TAFA5: variants seen among roughly 807,000 people sequenced by gnomAD.
The protein encoded by TAFA5 is chemokine-like protein TAFA-5.
In TAFA5, 6 loss-of-function variants were observed where a neutral mutation model predicts 15.3. The observed-to-expected ratio is 0.39, with a 90% confidence interval of 0.21 to 0.77. The LOEUF is 0.77. Ranked by LOEUF, TAFA5 falls within the 30% of genes least tolerant of loss-of-function variation. The probability of loss-of-function intolerance (pLI) is 0.41; values close to 1 mark genes in which losing one functional copy is unlikely to be tolerated. For missense variants in TAFA5, 161 were observed against 193.1 expected (o/e 0.83, Z 0.98); for synonymous variants, 103 against 80.7 (o/e 1.28, Z -1.48).
chr22:48,653,430 G>C (rs1473839310), intron 2 of TAFA5, among the ~76,000 whole-genome samples: 2 of 152,230 alleles, frequency 1.3e-5, no homozygotes, highest in African/African-American at 4.8e-5. Context: ...AGGTGTGTCT[G>C]CTGTTGGAGC....
At chr22:48,645,919 C>T (rs183926454) in intron 1 of TAFA5, among the ~76,000 whole-genome samples, 24 of 152,272 alleles carry the variant, frequency 1.6e-4, no homozygotes, top group Admixed American at 9.2e-4. Context: ...GCCTTGTGTG[C>T]GGTCATGTGT....
In TAFA5 at chr22:48,530,871, C is replaced by T. The variant is rs972213765; in HGVS notation, c.112+41167C>T. 6.6e-6 allele frequency among the ~76,000 whole-genome samples: 1 copy of T among 152,116 alleles called. No individual in the cohort carries two copies. Among genetic ancestry groups the T allele is most frequent in the African/African-American group, 2.4e-5 (1 of 41,438 alleles). On this transcript the variant is annotated intron_variant, in intron 1 of 3. Coordinates refer to ENST00000402357, the MANE Select transcript of TAFA5 (RefSeq NM_001082967.3). This position sits in a 1 kb window ranked among gnomAD's most constrained non-coding sequence, Gnocchi z 6.0. ...GACAAAGCAGGGGAGAAATGTCCCT[C>T]GGGTTCCAAATGAAAGTGGCTGAGA...
chr22:48,661,196 C>A (rs1005982418), intron 2 of TAFA5, among the ~76,000 whole-genome samples: 1 of 152,198 alleles, frequency 6.6e-6, no homozygotes, highest in African/African-American at 2.4e-5. Context: ...GCTGGCCCTA[C>A]GGTCAGGGTC....
chr22:48,667,047 A>G (rs554161400), intron 2 of TAFA5, among the ~76,000 whole-genome samples: 4 of 151,788 alleles, frequency 2.6e-5, no homozygotes, highest in African/African-American at 7.2e-5. Context: ...CCTGGGATTG[A>G]GGGGGAGGAG....
intron 1 of TAFA5, among the ~76,000 whole-genome samples, chr22:48,639,765 C>T (rs1926606289): frequency 6.6e-6 from 1 of 152,202 alleles, no homozygotes; most frequent in African/African-American, 2.4e-5. Context: ...AACAGAGTGG[C>T]TGGACTTGGA....
chr22:48,618,642 CT>C (rs1925700396), intron 1 of TAFA5, among the ~76,000 whole-genome samples: 1 of 152,228 alleles, frequency 6.6e-6, no homozygotes, highest in South Asian at 2.1e-4. Context: ...ACGCCCGCAG[CT>C]CCGTCTGGGA....
At chr22:48,635,987 C>G (rs904555859) in intron 1 of TAFA5, among the ~76,000 whole-genome samples, 2 of 152,254 alleles carry the variant, frequency 1.3e-5, no homozygotes, top group Non-Finnish European at 2.9e-5. Flanking sequence ...CCTTCCTCCT[C>G]CCTCCCAGCC....
chr22:48,656,165 T>C (rs998241640), intron 2 of TAFA5, among the ~76,000 whole-genome samples: 26 of 152,080 alleles, frequency 1.7e-4, no homozygotes, highest in African/African-American at 5.8e-4. Context: ...TTTCAGGGTG[T>C]TGCTTGCTCT....
intron 1 of TAFA5, among the ~76,000 whole-genome samples, chr22:48,616,953 T>G (rs909021374): frequency 2.6e-5 from 4 of 152,072 alleles, no homozygotes; most frequent in African/African-American, 9.7e-5. Flanking sequence ...GGATCTGGGC[T>G]TCATCCATGG....
At chr22:48,589,764 C>T (rs775698827) in intron 1 of TAFA5, among the ~76,000 whole-genome samples, 5 of 152,212 alleles carry the variant, frequency 3.3e-5, no homozygotes, top group African/African-American at 7.2e-5. Flanking sequence ...GAGGAGCACC[C>T]GCAGCCATCA....
chr22:48,680,092 C>T (rs891872572), intron 2 of TAFA5, among the ~76,000 whole-genome samples: 3 of 152,334 alleles, frequency 2.0e-5, no homozygotes, highest in East Asian at 1.9e-4. Context: ...GCTGCTGCAG[C>T]CCCGGTGGGT....
Position 48,550,411 on chromosome 22 carries a change from C to CCT in TAFA5, c.112+60708_112+60709insTC, listed in dbSNP as rs1922816377. 6.6e-6 allele frequency among the ~76,000 whole-genome samples: 1 copy of CCT among 152,170 alleles called. No homozygotes were observed. Among genetic ancestry groups the CCT allele is most frequent in the Admixed American group, 6.5e-5 (1 of 15,278 alleles). Reference sequence around the variant, plus strand: ...TTTCCCACAGACTGGTCGGAGGTGCCCAGCAGGACCCTGGATGGCTCTCTG... The same window carrying CCT: ...TTTCCCACAGACTGGTCGGAGGTGCCCTCAGCAGGACCCTGGATGGCTCTCTG... On this transcript the variant is annotated intron_variant, in intron 1 of 3. Coordinates refer to ENST00000402357, the MANE Select transcript of TAFA5 (RefSeq NM_001082967.3). This position sits in a 1 kb window ranked among gnomAD's most constrained non-coding sequence, Gnocchi z 4.1.
At chr22:48,626,526 T>G (rs1056627916) in intron 1 of TAFA5, among the ~76,000 whole-genome samples, 13 of 152,212 alleles carry the variant, frequency 8.5e-5, no homozygotes, top group Middle Eastern at 6.3e-3. Flanking sequence ...ATGTTTTAAT[T>G]GGGTCGTCTG....
At chr22:48,540,809 T>G (rs1356117452) in intron 1 of TAFA5, among the ~76,000 whole-genome samples, 1 of 151,816 alleles carries the variant, frequency 6.6e-6, no homozygotes, top group Non-Finnish European at 1.5e-5. Context: ...AGAGGAAGAT[T>G]TTTGTGGCAC....
chr22:48,619,117 C>T (rs1201210787), intron 1 of TAFA5, among the ~76,000 whole-genome samples: 1 of 152,224 alleles, frequency 6.6e-6, no homozygotes, highest in African/African-American at 2.4e-5. Context: ...GTTTAAAATA[C>T]AGCAGCTAAA....
At chr22:48,509,158 C>G (rs1921118753) in intron 1 of TAFA5, among the ~76,000 whole-genome samples, 2 of 152,204 alleles carry the variant, frequency 1.3e-5, no homozygotes, top group Non-Finnish European at 2.9e-5. Context: ...TTCTTTACGG[C>G]TGAATACTAC....
At position 48,490,987 on chromosome 22, in the gene TAFA5, G is replaced by A. The variant is rs929515887; in HGVS notation, c.112+1283G>A. Among the ~76,000 whole-genome samples, 6 of 152,172 alleles carry A rather than the reference G, an allele frequency of 3.9e-5. No individual in the cohort carries two copies. The highest frequency in any genetic ancestry group is 8.8e-5 in the Non-Finnish European group (6 of 68,034). Reference sequence around the variant, plus strand: ...TCGCCAGGATCGCAAGGGAAACCCGGGGACCAGAGCAGGAATTTTCCTACT... The same window carrying A: ...TCGCCAGGATCGCAAGGGAAACCCGAGGACCAGAGCAGGAATTTTCCTACT... On this transcript the variant is annotated intron_variant, in intron 1 of 3. Transcript: ENST00000402357. This position sits in a 1 kb window ranked among gnomAD's most constrained non-coding sequence, Gnocchi z 5.8.
intron 1 of TAFA5, among the ~76,000 whole-genome samples, chr22:48,523,841 G>A (rs2147108593): frequency 6.6e-6 from 1 of 152,344 alleles, no homozygotes; most frequent in Admixed American, 6.5e-5. Context: ...GGTCCTCTCT[G>A]CAGAGAGGAG....
intron 1 of TAFA5, among the ~76,000 whole-genome samples, chr22:48,630,306 G>T (rs573097761): frequency 1.3e-5 from 2 of 152,278 alleles, no homozygotes; most frequent in Non-Finnish European, 1.5e-5. Flanking sequence ...CCCTGACCCT[G>T]GCACTGACCA....
Sources: allele counts gnomAD v4.1 joint callset (sites outside exome capture counted in the v4.1 genomes callset), GRCh38; gene constraint gnomAD v4.1.1; non-coding constraint Gnocchi (gnomAD v3.1); transcripts MANE v1.5; gene names NCBI Gene and HGNC (gene_info 2026-07-23, HGNC 2026-07-21).